RBFOX1: variants seen among roughly 807,000 people sequenced by gnomAD.
RBFOX1 encodes RNA binding protein fox-1 homolog 1.
A neutral mutation model predicts 57.7 loss-of-function variants in RBFOX1; 8 were observed. The observed-to-expected ratio is 0.14, with a 90% CI of 0.08 to 0.25. The LOEUF is 0.25. Ranked by LOEUF, RBFOX1 falls within the 10% of genes least tolerant of loss-of-function variation. RBFOX1 has a pLI of 1.00. For missense variants in RBFOX1, 611 were observed against 548.5 expected, an observed-to-expected ratio of 1.11 and a Z score of -1.14; for synonymous variants, 326 against 222.4, an observed-to-expected ratio of 1.47 and a Z score of -4.15.
intron 2 of RBFOX1, among the ~76,000 whole-genome samples, chr16:6,480,311 G>T (rs1404484352): frequency 6.6e-6 from 1 of 151,990 alleles, no homozygotes; most frequent in Non-Finnish European, 1.5e-5. Flanking sequence ...GCATGTAAAG[G>T]GCCAGAGAGT....
chr16:5,321,910 G>T (rs763807569), intron 1 of RBFOX1, among the ~76,000 whole-genome samples: 3 of 152,062 alleles, frequency 2.0e-5, no homozygotes, highest in African/African-American at 4.8e-5. Context: ...ACGGCCTTAC[G>T]GGGCACTGAT....
At chr16:6,654,789 A>C (rs1210346501) in intron 3 of RBFOX1, 139 bp downstream of exon 3, 3 of 586,030 alleles carry the variant, frequency 5.1e-6, no homozygotes, top group Non-Finnish European at 5.5e-6. Context: ...AGACAATCAG[A>C]CTTAAAAATG....
chr16:6,819,830 C>G (rs2090946142), intron 3 of RBFOX1, among the ~76,000 whole-genome samples: 1 of 150,730 alleles, frequency 6.6e-6, no homozygotes, highest in Non-Finnish European at 1.5e-5. Context: ...GAAGAGCAAG[C>G]ATTTGAATCC....
chr16:7,710,036 C>G, intron 15 of RBFOX1: 1 of 1,005,248 alleles, frequency 9.9e-7, no homozygotes, highest in Non-Finnish European at 1.2e-6. Flanking sequence ...CATGGCCGGA[C>G]AGTTCACTGA....
At chr16:5,341,865 G>C (rs1415817227) in intron 1 of RBFOX1, among the ~76,000 whole-genome samples, 1 of 152,166 alleles carries the variant, frequency 6.6e-6, no homozygotes, top group East Asian at 1.9e-4. Flanking sequence ...CATCCCAGCA[G>C]AGCTGCTGTG....
chr16:7,485,034 C>T lies in RBFOX1; in HGVS notation c.28-33113C>T, dbSNP rs186899310. On this transcript the variant is annotated intron_variant, in intron 4 of 15. Coordinates refer to ENST00000550418, the MANE Select transcript of RBFOX1 (RefSeq NM_018723.4). ...TGTCTTGCATATCAAAATTTGTATG[C>T]AGGGTTACGTTCCCCAACATTAATC... Among the ~76,000 whole-genome samples, 223 of 148,316 alleles carry T rather than the reference C, an allele frequency of 1.5e-3. 4 individuals are homozygous for T. The highest frequency in any genetic ancestry group is 2.5e-3 in the Non-Finnish European group (167 of 67,564).
chr16:6,128,308 A>T (rs1444309246), intron 1 of RBFOX1, among the ~76,000 whole-genome samples: 2 of 152,168 alleles, frequency 1.3e-5, no homozygotes, highest in African/African-American at 4.8e-5. Flanking sequence ...ATCTTACATT[A>T]TGTTTTTATT....
intron 3 of RBFOX1, among the ~76,000 whole-genome samples, chr16:5,790,080 G>C (rs1165929412): frequency 1.3e-5 from 2 of 152,244 alleles, no homozygotes; most frequent in African/African-American, 2.4e-5. Context: ...ACTCCAGGCT[G>C]CTACCACTCA....
intron 13 of RBFOX1, among the ~76,000 whole-genome samples, chr16:7,666,151 G>GGCTGAGCAGT (rs772629054): frequency 5.9e-5 from 9 of 152,078 alleles, no homozygotes; most frequent in Non-Finnish European, 1.3e-4. Context: ...GGCAGGCTGG[G>GGCTGAGCAGT]GCTGAGCAGT....
chr16:6,902,782 A>T (rs2068804520), intron 3 of RBFOX1, among the ~76,000 whole-genome samples: 1 of 152,244 alleles, frequency 6.6e-6, no homozygotes, highest in African/African-American at 2.4e-5. Flanking sequence ...TCAACTCATC[A>T]TGTCATCAGA....
intron 4 of RBFOX1, among the ~76,000 whole-genome samples, chr16:7,323,637 T>C (rs1470463948): frequency 6.6e-6 from 1 of 152,234 alleles, no homozygotes; most frequent in Non-Finnish European, 1.5e-5. Context: ...GTCTCAGTGT[T>C]CTTGTTACTA....
At chr16:5,364,298 G>A (rs2065642755) in intron 1 of RBFOX1, among the ~76,000 whole-genome samples, 1 of 152,212 alleles carries the variant, frequency 6.6e-6, no homozygotes, top group African/African-American at 2.4e-5. Context: ...GTGCACAGAA[G>A]GCGCATAGAG....
In RBFOX1 at chr16:6,935,569, C is replaced by T. The variant is rs72772286; in HGVS notation, c.-15-116488C>T. Among the ~76,000 whole-genome samples the T allele has an allele frequency of 5.9e-5, 9 of 152,242 alleles. No individual in the cohort carries two copies. In the East Asian group the frequency reaches 7.7e-4, roughly 13 times the overall value. On this transcript the variant is annotated intron_variant, in intron 3 of 15. Coordinates refer to ENST00000550418, the MANE Select transcript of RBFOX1 (RefSeq NM_018723.4). ...GTATTTGCAGCCAAGATCTGTTATC[C>T]TTGAATATTCAAAAATCTGTGACCT...
At chr16:5,439,575 G>A (rs1483789897) in intron 1 of RBFOX1, among the ~76,000 whole-genome samples, 2 of 152,086 alleles carry the variant, frequency 1.3e-5, no homozygotes, top group African/African-American at 4.8e-5. Flanking sequence ...CATGAGGAAT[G>A]AGAAGGCAGA....
chr16:7,396,077 G>C (rs150530119), intron 4 of RBFOX1, among the ~76,000 whole-genome samples: 58 of 152,250 alleles, frequency 3.8e-4, no homozygotes, highest in African/African-American at 1.3e-3. Flanking sequence ...GGATTCCCCA[G>C]GGTGCTCTCA....
intron 2 of RBFOX1, among the ~76,000 whole-genome samples, chr16:6,522,695 A>G (rs536058485): frequency 2.6e-5 from 4 of 152,284 alleles, no homozygotes; most frequent in African/African-American, 9.6e-5. Flanking sequence ...TACCTAAGAA[A>G]CAGTGAACCA....
chr16:6,843,096 A>G (rs906055397), intron 3 of RBFOX1, among the ~76,000 whole-genome samples: 2 of 152,078 alleles, frequency 1.3e-5, no homozygotes, highest in Admixed American at 6.5e-5. Context: ...AAGATTTACT[A>G]TTGTAAATAG....
intron 3 of RBFOX1, among the ~76,000 whole-genome samples, chr16:6,872,157 G>C (rs937427452): frequency 6.6e-6 from 1 of 152,158 alleles, no homozygotes; most frequent in Non-Finnish European, 1.5e-5. Flanking sequence ...ATGGAAAACT[G>C]TGAGAGCAGT....
intron 3 of RBFOX1, among the ~76,000 whole-genome samples, chr16:6,803,972 C>T (rs552487339): frequency 6.6e-6 from 1 of 152,122 alleles, no homozygotes; most frequent in South Asian, 2.1e-4. Context: ...CACGTTATAA[C>T]ATATGAAGCT....
Sources: allele counts gnomAD v4.1 joint callset (sites outside exome capture counted in the v4.1 genomes callset), GRCh38; gene constraint gnomAD v4.1.1; transcripts MANE v1.5; gene names NCBI Gene and HGNC (gene_info 2026-07-23, HGNC 2026-07-21).